Variants in PDZD2 observed in about 807,000 individuals in gnomAD.
PDZD2 encodes PDZ domain containing 2, also known as PDZ domain-containing protein 2.
PDZD2 carries 90 observed loss-of-function variants against 220.7 expected under a neutral mutation model. The observed-to-expected ratio is 0.41, with a 90% CI of 0.34 to 0.49. PDZD2 has a LOEUF of 0.49. PDZD2 is among the 20% of genes least tolerant of loss of function. PDZD2 has a pLI of 0.28. For missense variants in PDZD2, 3,174 were observed against 3,608.5 expected, an observed-to-expected ratio of 0.88 and a Z score of 3.08; for synonymous variants, 1,375 against 1,450.5, an observed-to-expected ratio of 0.95 and a Z score of 1.18.
At chr5:31,754,398 G>T (rs768746209) in intron 1 of PDZD2, 1 of 152,166 alleles carries the variant, frequency 6.6e-6, no homozygotes, top group African/African-American at 2.4e-5. Context: ...CTGAATTTTC[G>T]AGGCTCTCGG....
intron 1 of PDZD2, among the ~76,000 whole-genome samples, chr5:31,697,520 T>C (rs1747425031): frequency 6.6e-6 from 1 of 152,188 alleles, no homozygotes; most frequent in African/African-American, 2.4e-5. Flanking sequence ...GATTTAAAAA[T>C]CACCTGGAAT....
At chr5:31,775,262 G>GT (rs1752572007) in intron 1 of PDZD2, among the ~76,000 whole-genome samples, 1 of 151,428 alleles carries the variant, frequency 6.6e-6, no homozygotes, top group South Asian at 2.1e-4. Context: ...TGTTTCTCAT[G>GT]TTCCATAGAT....
In PDZD2 at chr5:32,089,286, C is replaced by T; in HGVS notation, c.5838C>T (p.Asn1946=). ...HVADHEDPDR[N]TTAAPRSPQC... The stretch of plus-strand genomic sequence containing the variant: ...CCGACCACGAGGACCCTGACAGAAA[C>T]ACCACAGCTGCCCCCAGGTCCCCCC... The change falls in exon 20 of 25, where the codon AAC becomes AAT. Residue 1946 remains asparagine, a synonymous_variant. Coordinates refer to ENST00000438447, the MANE Select transcript of PDZD2 (RefSeq NM_178140.4). The T allele has an allele frequency of 2.5e-6, 4 of 1,614,172 alleles. No individual in the cohort carries two copies. The highest frequency in any genetic ancestry group is 2.5e-6 in the Non-Finnish European group (3 of 1,180,020).
At chr5:32,036,442 T>C (rs1365625813) in intron 6 of PDZD2, among the ~76,000 whole-genome samples, 2 of 152,198 alleles carry the variant, frequency 1.3e-5, no homozygotes, top group Admixed American at 1.3e-4. Context: ...CCCACAATTT[T>C]TTATAAACAC....
intron 2 of PDZD2, among the ~76,000 whole-genome samples, chr5:31,844,356 C>T (rs1757479796): frequency 6.6e-6 from 1 of 152,100 alleles, no homozygotes; most frequent in Admixed American, 6.5e-5. Flanking sequence ...TGATTAGAAA[C>T]CTATTCTTGG....
chr5:32,017,883 TTGTGGTAAAC>T (rs1208227942), intron 6 of PDZD2, among the ~76,000 whole-genome samples: 2 of 152,040 alleles, frequency 1.3e-5, no homozygotes, highest in East Asian at 3.9e-4. Context: ...GAGATGTGGG[TTGTGGTAAAC>T]AACCATAAAG....
intron 2 of PDZD2, among the ~76,000 whole-genome samples, chr5:31,900,761 G>A (rs1742023151): frequency 6.6e-6 from 1 of 152,122 alleles, no homozygotes; most frequent in Non-Finnish European, 1.5e-5. Context: ...TCACCCCGAG[G>A]AACAGCTAGT....
intron 1 of PDZD2, among the ~76,000 whole-genome samples, chr5:31,662,691 G>A (rs541270572): frequency 3.2e-4 from 48 of 152,222 alleles, no homozygotes; most frequent in African/African-American, 1.1e-3. Context: ...GTGCAGTGGC[G>A]CAATCTCAGC....
At chr5:31,707,276 C>T (rs1012126282) in intron 1 of PDZD2, among the ~76,000 whole-genome samples, 4 of 151,116 alleles carry the variant, frequency 2.6e-5, no homozygotes, top group African/African-American at 9.8e-5. Context: ...ATGTTGTGCA[C>T]GTGTACCCTA....
chr5:31,847,490 T>C, intron 2 of PDZD2: 3 of 623,822 alleles, frequency 4.8e-6, no homozygotes, highest in Non-Finnish European at 9.0e-6. Context: ...GATATGATAG[T>C]CTGCACAGCT....
At chr5:31,914,166 T>G (rs1175174315) in intron 2 of PDZD2, among the ~76,000 whole-genome samples, 1 of 152,224 alleles carries the variant, frequency 6.6e-6, no homozygotes, top group Non-Finnish European at 1.5e-5. Flanking sequence ...ACATTAAAAC[T>G]TGGAGGTTTT....
chr5:31,846,480 G>A (rs1246875267), intron 2 of PDZD2, among the ~76,000 whole-genome samples: 1 of 152,152 alleles, frequency 6.6e-6, no homozygotes, highest in Admixed American at 6.6e-5. Flanking sequence ...CTGCGAAGAG[G>A]GAAAGAGACA....
At chr5:32,006,653 A>G (rs1375504183) in intron 5 of PDZD2, among the ~76,000 whole-genome samples, 4 of 150,012 alleles carry the variant, frequency 2.7e-5, no homozygotes, top group African/African-American at 7.4e-5. Context: ...ATGGGATTAC[A>G]GGCATGAACC....
chr5:31,705,351 A>T (rs1747778002), intron 1 of PDZD2, among the ~76,000 whole-genome samples: 1 of 152,166 alleles, frequency 6.6e-6, no homozygotes, highest in South Asian at 2.1e-4. Context: ...TGCTGGATGA[A>T]TTTGTACTAA....
At chr5:31,990,440 T>C (rs975047732) in intron 3 of PDZD2, among the ~76,000 whole-genome samples, 1 of 152,186 alleles carries the variant, frequency 6.6e-6, no homozygotes, top group Non-Finnish European at 1.5e-5. Flanking sequence ...GCTGACAAAG[T>C]CTTGTTGCCC....
intron 6 of PDZD2, among the ~76,000 whole-genome samples, chr5:32,035,111 C>G (rs1340812072): frequency 2.6e-5 from 4 of 152,058 alleles, no homozygotes; most frequent in Non-Finnish European, 5.9e-5. Context: ...TGTTTCTAAC[C>G]CAGAAAGATA....
In PDZD2 at chr5:32,090,706, A is replaced by G. The variant is rs113322682; in HGVS notation, c.7258A>G (p.Ile2420Val). 82 of 1,614,190 alleles carry G rather than the reference A, an allele frequency of 5.1e-5. No individual in the cohort carries two copies. The highest frequency in any genetic ancestry group is 1.2e-4 in the African/African-American group (9 of 75,048). ...GCCCCAGATGGCCAAGTCTCCCTCA[A>G]TCATGACACTGACCATCTCTCGGCA... is the stretch of plus-strand genomic sequence containing the variant. ...LLPQMAKSPS[I>V]MTLTISRQNP... The change falls in exon 20 of 25, where the codon ATC (isoleucine) becomes GTC (valine). Residue 2420 changes from isoleucine to valine, a missense_variant. Coordinates refer to ENST00000438447, the MANE Select transcript of PDZD2 (RefSeq NM_178140.4). The surrounding 1 kb of genome is among the most constrained non-coding windows in gnomAD (Gnocchi z 4.3).
At chr5:31,661,530 TGA>T (rs1278616487) in intron 1 of PDZD2, 1 of 152,146 alleles carries the variant, frequency 6.6e-6, no homozygotes, top group Admixed American at 6.5e-5. Flanking sequence ...AGATAACCTG[TGA>T]GTGGTTATTT....
chr5:32,042,446 G>A (rs1262539222), intron 7 of PDZD2, among the ~76,000 whole-genome samples: 9 of 147,988 alleles, frequency 6.1e-5, no homozygotes, highest in Middle Eastern at 3.8e-3. Context: ...GGTGGCATGC[G>A]CCTATAATCC....
Sources: gnomAD v4.1 joint callset for allele counts (sites outside exome capture counted in the v4.1 genomes callset) on GRCh38, gnomAD v4.1.1 for gene constraint, Gnocchi (gnomAD v3.1) non-coding constraint, MANE v1.5 for transcripts, NCBI Gene and HGNC (gene_info 2026-07-23, HGNC 2026-07-21) for gene names.